Variants in PAWR observed in about 807,000 individuals in gnomAD.
The protein encoded by PAWR is PRKC apoptosis WT1 regulator protein.
PAWR carries 23 observed loss-of-function variants against 32.0 expected under a neutral mutation model. The ratio of observed to expected loss-of-function variants is 0.72; its 90% CI spans 0.52 to 1.02. The LOEUF (loss-of-function observed/expected upper bound fraction) is 1.02. Among genes scored for constraint, PAWR ranks in the 50% least tolerant of loss-of-function variants. PAWR has a pLI of 0.00. For synonymous variants in PAWR, 226 were observed against 187.1 expected, an observed-to-expected ratio of 1.21 and a Z score of -1.70; for missense variants, 457 against 437.7, an observed-to-expected ratio of 1.04 and a Z score of -0.39.
intron 2 of PAWR, among the ~76,000 whole-genome samples, chr12:79,669,644 T>C (rs1162099909): frequency 6.6e-6 from 1 of 152,148 alleles, no homozygotes; most frequent in East Asian, 1.9e-4. Flanking sequence ...AATCAAATGA[T>C]ACATGGAAAA....
intron 2 of PAWR, among the ~76,000 whole-genome samples, chr12:79,632,342 TATATATATATATATA>T (rs1875724062): frequency 1.6e-5 from 1 of 60,746 alleles, no homozygotes; most frequent in African/African-American, 2.0e-4. Context: ...TATATATATA[TATATATATATATATA>T]TATATTTTTT....
chr12:79,677,185 A>G (rs1430684176), intron 2 of PAWR, among the ~76,000 whole-genome samples: 1 of 152,214 alleles, frequency 6.6e-6, no homozygotes, highest in Non-Finnish European at 1.5e-5. Flanking sequence ...ATACCGGAAC[A>G]TCCAAATTAG....
intron 4 of PAWR, chr12:79,598,108 A>G (rs1286280683): frequency 1.3e-5 from 2 of 152,272 alleles, no homozygotes; most frequent in Non-Finnish European, 2.9e-5. Flanking sequence ...AGTGTCGGTC[A>G]TAACGCAACC....
At chr12:79,684,122 A>G (rs1592559025) in intron 2 of PAWR, among the ~76,000 whole-genome samples, 1 of 152,190 alleles carries the variant, frequency 6.6e-6, no homozygotes. Flanking sequence ...GTACACTTTA[A>G]AAGGGTAAAT....
chr12:79,650,099 C>G (rs1876769171), intron 2 of PAWR, among the ~76,000 whole-genome samples: 1 of 152,154 alleles, frequency 6.6e-6, no homozygotes, highest in East Asian at 1.9e-4. Context: ...TGCTGTATAG[C>G]CTGGTAGGGT....
At chr12:79,676,434 TTAAA>T (rs146375007) in intron 2 of PAWR, among the ~76,000 whole-genome samples, 3,398 of 152,262 alleles carry the variant, frequency 0.022, 66 homozygotes, top group Non-Finnish European at 0.031. Flanking sequence ...TAACAGTCAA[TTAAA>T]TAGTCATAAA....
chr12:79,674,350 T>C (rs1878054913), intron 2 of PAWR, among the ~76,000 whole-genome samples: 1 of 151,834 alleles, frequency 6.6e-6, no homozygotes, highest in Non-Finnish European at 1.5e-5. Flanking sequence ...GCTAGCCATA[T>C]GCAGAAGACT....
chr12:79,625,593 G>A (rs528292436), intron 2 of PAWR, among the ~76,000 whole-genome samples: 284 of 151,826 alleles, frequency 1.9e-3, no homozygotes, highest in African/African-American at 5.9e-3. Context: ...AGGCCAAGGC[G>A]GGCAGATCAC....
intron 2 of PAWR, among the ~76,000 whole-genome samples, chr12:79,650,068 G>T (rs1876766996): frequency 6.6e-6 from 1 of 152,182 alleles, no homozygotes; most frequent in East Asian, 1.9e-4. Flanking sequence ...AGGCCGTAAT[G>T]TTTGCCAGCC....
intron 4 of PAWR, among the ~76,000 whole-genome samples, chr12:79,608,900 C>T (rs1874314841): frequency 6.6e-6 from 1 of 152,046 alleles, no homozygotes; most frequent in Non-Finnish European, 1.5e-5. Context: ...CAAAAGTTAG[C>T]CAGGCATGGT....
intron 2 of PAWR, among the ~76,000 whole-genome samples, chr12:79,625,202 G>C (rs571399477): frequency 6.6e-6 from 1 of 152,014 alleles, no homozygotes; most frequent in Non-Finnish European, 1.5e-5. Context: ...TTTCTCTATA[G>C]GTTAATCTTT....
At chr12:79,654,420 C>CT (rs5799436) in intron 2 of PAWR, among the ~76,000 whole-genome samples, 53,301 of 149,064 alleles carry the variant, frequency 0.36, 16,054 homozygotes, top group African/African-American at 0.83. Context: ...CAAAAGATAG[C>CT]TTTTTTTTTT....
At position 79,654,980 on chromosome 12, in the gene PAWR, G is replaced by C. The variant is rs554639286; in HGVS notation, c.517-33773C>G. Among the ~76,000 whole-genome samples the C allele has an allele frequency of 5.3e-5, 8 of 152,272 alleles. No homozygotes were observed. The East Asian group carries it at 1.5e-3, about 29-fold the overall frequency. On this transcript the variant is annotated intron_variant, in intron 2 of 6. Coordinates refer to ENST00000328827, the MANE Select transcript of PAWR (RefSeq NM_002583.4). ...TTAAATGCCCTTTATTCTTTATTCT[G>C]TTCAATAACAATCAAGGAATTGAAG...
chr12:79,638,195 A>C (rs1456042763), intron 2 of PAWR, among the ~76,000 whole-genome samples: 2 of 151,644 alleles, frequency 1.3e-5, no homozygotes, highest in Non-Finnish European at 2.9e-5. Context: ...GATTGGTCTC[A>C]CCCTTATTTT....
Position 79,608,066 on chromosome 12 carries a change from T to A in PAWR, c.683+5509A>T, listed in dbSNP as rs930530858. Among the ~76,000 whole-genome samples the A allele has an allele frequency of 2.7e-5, 4 of 150,126 alleles. No homozygotes were observed. The East Asian group carries it at 5.9e-4, about 22-fold the overall frequency. On this transcript the variant is annotated intron_variant, in intron 4 of 6. Transcript: ENST00000328827. ...CTCGGACTCAAAAAAAAAAAAAAAA[T>A]CATAAAGTTCCATCTAGGAAAAAAA...
chr12:79,605,775 CA>C (rs1874153150), intron 4 of PAWR, among the ~76,000 whole-genome samples: 1 of 152,026 alleles, frequency 6.6e-6, no homozygotes, highest in Non-Finnish European at 1.5e-5. Context: ...TGACGAGACA[CA>C]AAAAGCCACA....
intron 2 of PAWR, among the ~76,000 whole-genome samples, chr12:79,664,572 G>A (rs1877508928): frequency 6.7e-6 from 1 of 149,474 alleles, no homozygotes; most frequent in Non-Finnish European, 1.5e-5. Context: ...TTGTTTTTTA[G>A]AAAGTCAATG....
At chr12:79,610,234 G>A (rs1874372691) in intron 4 of PAWR, among the ~76,000 whole-genome samples, 1 of 152,244 alleles carries the variant, frequency 6.6e-6, no homozygotes, top group African/African-American at 2.4e-5. Flanking sequence ...AGAACCTTCT[G>A]TGTATTCCTA....
chr12:79,671,788 A>G (rs1029938655), intron 2 of PAWR, among the ~76,000 whole-genome samples: 1 of 152,168 alleles, frequency 6.6e-6, no homozygotes, highest in Non-Finnish European at 1.5e-5. Flanking sequence ...AAAAGGACAC[A>G]GCCAGGCACA....
Sources: gnomAD v4.1 joint callset for allele counts (sites outside exome capture counted in the v4.1 genomes callset) on GRCh38, gnomAD v4.1.1 for gene constraint, MANE v1.5 for transcripts, NCBI Gene and HGNC (gene_info 2026-07-23, HGNC 2026-07-21) for gene names.